TYW1: variants seen among roughly 807,000 people sequenced by gnomAD.
TYW1 encodes tRNA-yW synthesizing protein 1 homolog.
TYW1 carries 46 observed loss-of-function variants against 96.2 expected under a neutral mutation model. The observed-to-expected ratio is 0.48, with a 90% CI of 0.38 to 0.61. TYW1 has a LOEUF of 0.61. Ranked by LOEUF, TYW1 falls within the 20% of genes least tolerant of loss-of-function variation. The probability of loss-of-function intolerance (pLI) is 0.00; values close to 1 mark genes in which losing one functional copy is unlikely to be tolerated. For missense variants in TYW1, 684 were observed against 909.6 expected (o/e 0.75, Z 3.19); for synonymous variants, 274 against 323.0 (o/e 0.85, Z 1.63).
Position 67,067,288 on chromosome 7 carries a change from A to G in TYW1, c.1159A>G (p.Met387Val), listed in dbSNP as rs200301906. 342 of 1,613,994 alleles carry G rather than the reference A, an allele frequency of 2.1e-4. 5 individuals carry two copies. Among genetic ancestry groups the G allele is most frequent in the Middle Eastern group, 1.3e-3 (8 of 6,056 alleles). The change falls in exon 10 of 16, where the codon ATG becomes GTG. Residue 387 changes from methionine to valine, a missense_variant. Coordinates refer to ENST00000359626, the MANE Select transcript of TYW1 (RefSeq NM_018264.4). ...GTGATTTGTTTACTTGTCATAGTCC[A>G]TGCTCCGAGGGAGAGGAGGTTGTTA... ...GVKLCRWTKSMLRGRGGCYKH... is the reference protein window; with the variant it reads ...GVKLCRWTKSVLRGRGGCYKH...
At chr7:67,128,706 T>C (rs1362463461) in intron 13 of TYW1, among the ~76,000 whole-genome samples, 3 of 135,158 alleles carry the variant, frequency 2.2e-5, no homozygotes, top group Admixed American at 2.2e-4. Flanking sequence ...TTTTTTTTTT[T>C]TTGAGACGGA....
At chr7:67,177,557 T>C (rs1799711771) in intron 13 of TYW1, among the ~76,000 whole-genome samples, 1 of 152,184 alleles carries the variant, frequency 6.6e-6, no homozygotes. Flanking sequence ...TTCAAGACAT[T>C]TGAACCAGTA....
intron 11 of TYW1, among the ~76,000 whole-genome samples, chr7:67,086,497 T>C (rs781623020): frequency 6.6e-6 from 1 of 151,760 alleles, no homozygotes; most frequent in Non-Finnish European, 1.5e-5. Flanking sequence ...GAGACTGAGA[T>C]TGAGATTCAT....
intron 5 of TYW1, 30 bp downstream of exon 5, chr7:67,014,591 T>C (rs368628430): frequency 1.3e-6 from 2 of 1,580,038 alleles, no homozygotes; most frequent in Non-Finnish European, 1.7e-6. Context: ...TAGGAATAAA[T>C]TCTCCCCATA....
chr7:67,189,443 GTA>G (rs1800138513), intron 14 of TYW1, among the ~76,000 whole-genome samples: 1 of 148,804 alleles, frequency 6.7e-6, no homozygotes, highest in Non-Finnish European at 1.5e-5. Context: ...GTATGTGTAT[GTA>G]TGTGTGTGTG....
At chr7:67,085,867 G>C (rs1277425877) in intron 11 of TYW1, among the ~76,000 whole-genome samples, 1 of 151,990 alleles carries the variant, frequency 6.6e-6, no homozygotes, top group Non-Finnish European at 1.5e-5. Context: ...CTACTTGGGA[G>C]GCTGAGGCAG....
intron 13 of TYW1, among the ~76,000 whole-genome samples, chr7:67,176,084 A>G (rs575693397): frequency 2.0e-5 from 3 of 152,336 alleles, no homozygotes; most frequent in Non-Finnish European, 4.4e-5. Flanking sequence ...TACAAAAATC[A>G]GTTATATTTC....
intron 3 of TYW1, among the ~76,000 whole-genome samples, chr7:67,002,631 A>G (rs1305265215): frequency 1.3e-5 from 2 of 149,280 alleles, no homozygotes; most frequent in African/African-American, 4.9e-5. Flanking sequence ...TTTTTCAGCT[A>G]TTGTTCTGTA....
chr7:67,178,217 A>G lies in TYW1; in HGVS notation c.1699-4909A>G, dbSNP rs1235433414. On this transcript the variant is annotated intron_variant, in intron 13 of 15. Transcript: ENST00000359626. The stretch of plus-strand genomic sequence containing the variant: ...AGAGGGAGAGAGAGATGAGTACAGT[A>G]GCACTCATGGCAGCAGTATTTTCTA... 2.6e-5 allele frequency among the ~76,000 whole-genome samples: 4 copies of G among 152,074 alleles called. No homozygotes were observed. In the East Asian group the frequency reaches 7.7e-4, roughly 29 times the overall value.
intron 13 of TYW1, among the ~76,000 whole-genome samples, chr7:67,175,939 A>G (rs931582452): frequency 2.0e-5 from 3 of 152,212 alleles, no homozygotes; most frequent in Non-Finnish European, 2.9e-5. Flanking sequence ...GAAAAAGGGG[A>G]AAAAGTTATG....
In TYW1 at chr7:67,238,597, T is replaced by A; in HGVS notation, c.*68T>A. On this transcript the variant is annotated 3_prime_UTR_variant, in exon 16 of 16. Coordinates refer to ENST00000359626, the MANE Select transcript of TYW1 (RefSeq NM_018264.4). Reference sequence around the variant, plus strand: ...GCCTCAAAAGGTTCTTGAACACCACTGTGATTCTCCAAGGACGAATTACGT... The same window carrying A: ...GCCTCAAAAGGTTCTTGAACACCACAGTGATTCTCCAAGGACGAATTACGT... The A allele has an allele frequency of 1.9e-6, 3 of 1,586,698 alleles. No homozygotes were observed. In the South Asian group the frequency reaches 3.4e-5, roughly 18 times the overall value.
intron 13 of TYW1, among the ~76,000 whole-genome samples, chr7:67,150,202 A>G (rs1584623240): frequency 6.6e-6 from 1 of 152,292 alleles, no homozygotes; most frequent in East Asian, 1.9e-4. Context: ...TGGGTGTGGT[A>G]GGACTGAGGA....
At chr7:67,135,243 A>G (rs929218010) in intron 13 of TYW1, among the ~76,000 whole-genome samples, 26 of 151,702 alleles carry the variant, frequency 1.7e-4, no homozygotes, top group Middle Eastern at 3.2e-3. Context: ...ATCACTACCT[A>G]ACTCGAGAAC....
At chr7:67,056,392 T>C (rs1351630913) in intron 9 of TYW1, among the ~76,000 whole-genome samples, 2 of 151,204 alleles carry the variant, frequency 1.3e-5, no homozygotes, top group African/African-American at 4.9e-5. Context: ...TTCGGGAGGC[T>C]GAGGCAGGAG....
intron 13 of TYW1, among the ~76,000 whole-genome samples, chr7:67,161,817 G>T (rs12155047): frequency 0.28 from 42,580 of 151,704 alleles, 6,479 homozygotes; most frequent in African/African-American, 0.4. Flanking sequence ...CCAGATTCAC[G>T]TTCTTATGTG....
intron 12 of TYW1, among the ~76,000 whole-genome samples, chr7:67,101,554 C>T (rs1273909749): frequency 3.9e-5 from 6 of 152,068 alleles, no homozygotes; most frequent in African/African-American, 7.2e-5. Flanking sequence ...CTAGCTTTGT[C>T]GCCCAGGCTG....
chr7:67,091,736 C>T (rs767991579), intron 11 of TYW1, among the ~76,000 whole-genome samples: 2 of 151,942 alleles, frequency 1.3e-5, no homozygotes, highest in African/African-American at 2.4e-5. Context: ...AAGGAGAGAA[C>T]CAAGGTTTTA....
In TYW1 at chr7:67,179,224, G is replaced by A. The variant is rs1210429766; in HGVS notation, c.1699-3902G>A. Among the ~76,000 whole-genome samples the A allele has an allele frequency of 3.7e-5, 5 of 135,752 alleles. 1 individual carries two copies. Among genetic ancestry groups the A allele is most frequent in the Non-Finnish European group, 7.9e-5 (5 of 63,316 alleles). 89.1% of individuals were successfully genotyped at this position (135,752 alleles called of 152,430 possible). On this transcript the variant is annotated intron_variant, in intron 13 of 15. Coordinates refer to ENST00000359626, the MANE Select transcript of TYW1 (RefSeq NM_018264.4). ...TTTAGAACTTTCTAGGAAAGGGGCAGTAACTTCTGGGTTGTTGCATGGCAT... is the reference window on the plus strand; with the variant it reads ...TTTAGAACTTTCTAGGAAAGGGGCAATAACTTCTGGGTTGTTGCATGGCAT...
At chr7:67,092,904 C>T (rs1346352134) in intron 11 of TYW1, among the ~76,000 whole-genome samples, 1 of 151,796 alleles carries the variant, frequency 6.6e-6, no homozygotes, top group African/African-American at 2.4e-5. Flanking sequence ...AGGCTGGTCT[C>T]GAACCCCTAA....
Sources: allele counts gnomAD v4.1 joint callset (sites outside exome capture counted in the v4.1 genomes callset), GRCh38; gene constraint gnomAD v4.1.1; transcripts MANE v1.5; gene names NCBI Gene and HGNC (gene_info 2026-07-23, HGNC 2026-07-21).